Variants in AMBRA1 observed in about 807,000 individuals in gnomAD.
The protein encoded by AMBRA1 is autophagy and beclin 1 regulator 1.
Under a neutral mutation model 125.4 loss-of-function variants are expected in AMBRA1, and 47 were observed. That is an observed-to-expected ratio of 0.37 (90% CI 0.30 to 0.48). The LOEUF is 0.48. Among genes scored for constraint, AMBRA1 ranks in the 20% least tolerant of loss-of-function variants. The pLI is 0.99. For missense variants in AMBRA1, 1,331 were observed against 1,693.4 expected, an observed-to-expected ratio of 0.79 and a Z score of 3.76; for synonymous variants, 626 against 655.5, an observed-to-expected ratio of 0.95 and a Z score of 0.69.
At chr11:46,464,660 G>A (rs1682854988) in intron 11 of AMBRA1, among the ~76,000 whole-genome samples, 4 of 152,054 alleles carry the variant, frequency 2.6e-5, no homozygotes, top group Admixed American at 2.6e-4. Context: ...GTACCTCCCA[G>A]GGTTAGTTAC....
chr11:46,433,761 T>C, intron 13 of AMBRA1, 133 bp from the exon 14 acceptor site: 1 of 915,462 alleles, frequency 1.1e-6, no homozygotes. Context: ...CTCATAGGAC[T>C]GTAGTGAGGA....
chr11:46,509,322 G>A (rs143131306), intron 8 of AMBRA1, among the ~76,000 whole-genome samples: 5 of 152,180 alleles, frequency 3.3e-5, no homozygotes, highest in East Asian at 1.9e-4. Flanking sequence ...ATAATTTGAC[G>A]CTATGGACTG....
chr11:46,420,945 G>A (rs1590758360), intron 14 of AMBRA1, among the ~76,000 whole-genome samples: 1 of 152,212 alleles, frequency 6.6e-6, no homozygotes, highest in East Asian at 1.9e-4. Flanking sequence ...TTAAATGGGG[G>A]TCTGAAACAA....
At chr11:46,559,029 A>G (rs899520838) in intron 1 of AMBRA1, among the ~76,000 whole-genome samples, 3 of 152,178 alleles carry the variant, frequency 2.0e-5, no homozygotes, top group African/African-American at 7.2e-5. Context: ...AGCCGGGTGC[A>G]GTGGCTCACT....
intron 7 of AMBRA1, among the ~76,000 whole-genome samples, chr11:46,528,623 G>T (rs187735050): frequency 2.9e-4 from 44 of 152,268 alleles, no homozygotes; most frequent in Non-Finnish European, 5.3e-4. Context: ...GCTGCCAGGG[G>T]CTTGTGGGAG....
chr11:46,522,796 G>T (rs1269569422), intron 7 of AMBRA1, among the ~76,000 whole-genome samples: 1 of 152,136 alleles, frequency 6.6e-6, no homozygotes, highest in Non-Finnish European at 1.5e-5. Context: ...AGCCTGTGAA[G>T]GTCTTAAAAA....
intron 7 of AMBRA1, among the ~76,000 whole-genome samples, chr11:46,518,805 C>T (rs1037879895): frequency 2.0e-5 from 3 of 152,122 alleles, no homozygotes; most frequent in Non-Finnish European, 4.4e-5. Context: ...TCATAATAGG[C>T]ATATAATTCA....
At chr11:46,548,008 G>C in intron 2 of AMBRA1, 133 bp from the exon 3 acceptor site, 1 of 1,227,934 alleles carries the variant, frequency 8.1e-7, no homozygotes, top group Non-Finnish European at 1.1e-6. Flanking sequence ...CAATGATCAA[G>C]CTACAAATTG....
At chr11:46,554,315 C>G (rs973604574) in intron 1 of AMBRA1, among the ~76,000 whole-genome samples, 5 of 152,178 alleles carry the variant, frequency 3.3e-5, no homozygotes, top group Admixed American at 2.6e-4. Context: ...TCCTGTTACT[C>G]AAGAGGAACA....
rs1364515792 is a variant in AMBRA1, at chr11:46,408,625, G to A, written c.3291C>T (p.Thr1097=). The A allele has an allele frequency of 6.2e-7, 1 of 1,609,306 alleles. No homozygotes were observed. Among genetic ancestry groups the A allele is most frequent in the Admixed American group, 1.7e-5 (1 of 59,630 alleles). ...TCTGGGTGCCCTGAGATGTCACTGA[G>A]GTGGCAGGGTTCCGGGGCTGAAGCC... ...AIGLQPRNPA[T]SVTSQGTQTL... Residue 1097 remains threonine (T), a synonymous_variant, in exon 17 of 18, where the codon ACC becomes ACT. Coordinates refer to ENST00000683756, the MANE Select transcript of AMBRA1 (RefSeq NM_001387011.1).
chr11:46,449,031 T>C (rs772072983), intron 11 of AMBRA1, among the ~76,000 whole-genome samples: 14 of 152,174 alleles, frequency 9.2e-5, no homozygotes, highest in Non-Finnish European at 2.1e-4. Context: ...GTACCAGTTC[T>C]CTAACGTCTC....
In AMBRA1 at chr11:46,457,729, C is replaced by T. The variant is rs528197750; in HGVS notation, c.2522-14131G>A. ...CAGCCTAATCAACATAGTAAAACCC[C>T]GTCTCTACTAAAAATACAAAAAATG... is the stretch of plus-strand genomic sequence containing the variant. On this transcript the variant is annotated intron_variant, in intron 11 of 17. Coordinates refer to ENST00000683756, the MANE Select transcript of AMBRA1 (RefSeq NM_001387011.1). Among the ~76,000 whole-genome samples the T allele has an allele frequency of 5.9e-5, 9 of 152,102 alleles. No individual in the cohort carries two copies. In the South Asian group the frequency reaches 6.2e-4, roughly 11 times the overall value.
At chr11:46,456,695 C>T (rs965314918) in intron 11 of AMBRA1, among the ~76,000 whole-genome samples, 1 of 152,140 alleles carries the variant, frequency 6.6e-6, no homozygotes, top group South Asian at 2.1e-4. Context: ...GTCTTTGGCT[C>T]GTCAGCAGCA....
intron 12 of AMBRA1, among the ~76,000 whole-genome samples, chr11:46,439,549 A>T (rs1947900433): frequency 6.6e-6 from 1 of 152,184 alleles, no homozygotes; most frequent in Admixed American, 6.5e-5. Flanking sequence ...TGAATCAAAG[A>T]CTTAACTATT....
At chr11:46,497,129 A>T (rs1391119468) in intron 9 of AMBRA1, among the ~76,000 whole-genome samples, 1 of 151,750 alleles carries the variant, frequency 6.6e-6, no homozygotes, top group Non-Finnish European at 1.5e-5. Context: ...ATAAATAAAT[A>T]AAATAAAATA....
At chr11:46,556,316 T>C (rs2043155017) in intron 1 of AMBRA1, among the ~76,000 whole-genome samples, 3 of 152,168 alleles carry the variant, frequency 2.0e-5, no homozygotes, top group Admixed American at 2.0e-4. Context: ...ATACAGCTCT[T>C]GTGTGACTCT....
At chr11:46,573,670 T>C (rs1356295956) in intron 1 of AMBRA1, among the ~76,000 whole-genome samples, 1 of 151,074 alleles carries the variant, frequency 6.6e-6, no homozygotes, top group Non-Finnish European at 1.5e-5. Context: ...TTTCTTTTTT[T>C]TTTTTTTTAT....
intron 1 of AMBRA1, among the ~76,000 whole-genome samples, chr11:46,555,389 T>C (rs868256183): frequency 6.6e-6 from 1 of 152,242 alleles, no homozygotes; most frequent in Non-Finnish European, 1.5e-5. Context: ...CTTAACCTCT[T>C]TGAGGCTTCG....
At chr11:46,519,584 A>T (rs781584073) in intron 7 of AMBRA1, among the ~76,000 whole-genome samples, 1 of 152,224 alleles carries the variant, frequency 6.6e-6, no homozygotes, top group Admixed American at 6.5e-5. Context: ...TGGCTCCCAG[A>T]AGGTAAGGTG....
Sources: gnomAD v4.1 joint callset for allele counts (sites outside exome capture counted in the v4.1 genomes callset) on GRCh38, gnomAD v4.1.1 for gene constraint, MANE v1.5 for transcripts, NCBI Gene and HGNC (gene_info 2026-07-23, HGNC 2026-07-21) for gene names.